The following FMN1 variants were observed in gnomAD, a reference collection of about 807,000 sequenced individuals.
FMN1 encodes formin 1.
In FMN1, 110 loss-of-function variants were observed where a neutral mutation model predicts 132.4. The ratio of observed to expected loss-of-function variants is 0.83; its 90% CI spans 0.71 to 0.97. FMN1 has a LOEUF of 0.97. FMN1 is among the 50% of genes least tolerant of loss of function. FMN1 has a pLI of 0.00. For synonymous variants in FMN1, 722 were observed against 651.7 expected (o/e 1.11, Z -1.64); for missense variants, 1,792 against 1,705.3 (o/e 1.05, Z -0.90).
Position 32,973,205 on chromosome 15 carries a change from GCA to G in FMN1, c.2224-3730_2224-3729del, listed in dbSNP as rs199735470. On this transcript the variant is annotated intron_variant, in intron 7 of 20. Transcript: ENST00000616417. The stretch of plus-strand genomic sequence containing the variant: ...CTTGCAGACTAACATGAACTTTTTA[GCA>G]CACACACATCAACAGCTCTTCTGAT... Among the ~76,000 whole-genome samples, 4 of 152,104 alleles carry G rather than the reference GCA, an allele frequency of 2.6e-5. No individual in the cohort carries two copies. In the East Asian group the frequency reaches 5.8e-4, roughly 22 times the overall value.
chr15:33,092,460 T>C (rs1425211366), intron 4 of FMN1, among the ~76,000 whole-genome samples: 1 of 152,268 alleles, frequency 6.6e-6, no homozygotes, highest in East Asian at 1.9e-4. Flanking sequence ...GCCATCTGAA[T>C]GTAAACAATG....
chr15:32,932,173 C>A (rs1189928719), intron 9 of FMN1, among the ~76,000 whole-genome samples: 1 of 151,960 alleles, frequency 6.6e-6, no homozygotes, highest in Non-Finnish European at 1.5e-5. Context: ...CCGAGGTAGG[C>A]GGATCACTTG....
chr15:32,957,371 G>A (rs1227303553), intron 9 of FMN1, among the ~76,000 whole-genome samples: 1 of 128,338 alleles, frequency 7.8e-6, no homozygotes, highest in Non-Finnish European at 1.6e-5. Context: ...GTGGATTTCT[G>A]GCTCCTTGTC....
chr15:33,047,953 T>C (rs1248867168), intron 6 of FMN1, among the ~76,000 whole-genome samples: 1 of 152,146 alleles, frequency 6.6e-6, no homozygotes, highest in Non-Finnish European at 1.5e-5. Context: ...GTTATATATA[T>C]ATGTGCGCGT....
Position 32,851,455 on chromosome 15 carries a change from T to C in FMN1, c.3928+5560A>G, listed in dbSNP as rs930928699. ...CACAGTTTTGAAGGCCATATCATTATGACCATGTTTGATCTGAGGGTGGGA... is the reference window on the plus strand; with the variant it reads ...CACAGTTTTGAAGGCCATATCATTACGACCATGTTTGATCTGAGGGTGGGA... On this transcript the variant is annotated intron_variant, in intron 17 of 20. Transcript: ENST00000616417. Among the ~76,000 whole-genome samples, 4 of 152,216 alleles carry C rather than the reference T, an allele frequency of 2.6e-5. No homozygotes were observed. The South Asian group carries it at 6.2e-4, about 24-fold the overall frequency.
chr15:32,791,413 ATAAAT>A (rs1470151188), intron 19 of FMN1, among the ~76,000 whole-genome samples: 1 of 151,786 alleles, frequency 6.6e-6, no homozygotes, highest in African/African-American at 2.4e-5. Flanking sequence ...TAATACATTA[ATAAAT>A]TAAAGTACCA....
chr15:33,126,142 A>C (rs34830403), intron 4 of FMN1, among the ~76,000 whole-genome samples: 15,775 of 151,904 alleles, frequency 0.1, 875 homozygotes, highest in Middle Eastern at 0.16. Flanking sequence ...TGCTGACTAA[A>C]TGAGTTTATC....
At chr15:32,914,919 A>G (rs1005370057) in intron 10 of FMN1, among the ~76,000 whole-genome samples, 1 of 152,240 alleles carries the variant, frequency 6.6e-6, no homozygotes, top group African/African-American at 2.4e-5. Context: ...AGAGGAAAGG[A>G]CAGGTAAAAG....
rs567898704 is a variant in FMN1, at chr15:32,827,544, C to T, written c.3929-23212G>A. Reference sequence around the variant, plus strand: ...ATTATTGTCTTGTTCATCTTTTTAACGACCCAATGAAGAAAGGACATACAG... The same window carrying T: ...ATTATTGTCTTGTTCATCTTTTTAATGACCCAATGAAGAAAGGACATACAG... On this transcript the variant is annotated intron_variant, in intron 17 of 20. Coordinates refer to ENST00000616417, the MANE Select transcript of FMN1 (RefSeq NM_001277313.2). 4.0e-4 allele frequency among the ~76,000 whole-genome samples: 61 copies of T among 152,208 alleles called. 1 individual carries two copies. The highest frequency in any genetic ancestry group is 6.8e-3 in the Middle Eastern group (2 of 294).
At chr15:32,849,598 A>G (rs2058958041) in intron 17 of FMN1, among the ~76,000 whole-genome samples, 3 of 152,134 alleles carry the variant, frequency 2.0e-5, no homozygotes, top group Admixed American at 6.6e-5. Context: ...CTGGGAAAAA[A>G]AATCCCCTCT....
At chr15:33,011,673 C>T (rs1165761854) in intron 6 of FMN1, among the ~76,000 whole-genome samples, 1 of 152,014 alleles carries the variant, frequency 6.6e-6, no homozygotes, top group East Asian at 1.9e-4. Context: ...AGATAACATT[C>T]CCTACAGAGT....
intron 17 of FMN1, among the ~76,000 whole-genome samples, chr15:32,850,966 G>A (rs1411792335): frequency 6.6e-6 from 1 of 152,106 alleles, no homozygotes; most frequent in African/African-American, 2.4e-5. Context: ...GCTGAGGCAG[G>A]AGAATGGCGT....
intron 7 of FMN1, among the ~76,000 whole-genome samples, chr15:32,984,140 T>C (rs953096706): frequency 2.0e-5 from 3 of 152,192 alleles, no homozygotes; most frequent in Non-Finnish European, 4.4e-5. Flanking sequence ...TTTCTGCTTT[T>C]ATAAGAAAAA....
intron 6 of FMN1, among the ~76,000 whole-genome samples, chr15:33,045,038 G>A (rs1029347346): frequency 6.6e-6 from 1 of 152,234 alleles, no homozygotes. Flanking sequence ...AGGGAGCCCA[G>A]ACCTAGGAGC....
chr15:32,896,897 TC>T (rs1353628121), intron 15 of FMN1, among the ~76,000 whole-genome samples: 2 of 152,196 alleles, frequency 1.3e-5, no homozygotes, highest in Non-Finnish European at 2.9e-5. Flanking sequence ...CTCTTTGAGA[TC>T]CTGGTTTCAA....
chr15:32,899,462 G>A (rs556978285), intron 14 of FMN1, among the ~76,000 whole-genome samples: 30 of 152,308 alleles, frequency 2.0e-4, no homozygotes, highest in Non-Finnish European at 3.1e-4. Flanking sequence ...CCCATGGGAC[G>A]CCTAGCTATG....
intron 10 of FMN1, among the ~76,000 whole-genome samples, chr15:32,923,506 C>A (rs1398936859): frequency 6.6e-6 from 1 of 152,174 alleles, no homozygotes; most frequent in Non-Finnish European, 1.5e-5. Context: ...TAGGAGCCAA[C>A]TTTGTGGTGG....
chr15:33,003,512 G>A (rs1393303656), intron 7 of FMN1, among the ~76,000 whole-genome samples: 1 of 152,162 alleles, frequency 6.6e-6, no homozygotes, highest in Non-Finnish European at 1.5e-5. Flanking sequence ...CCTCTTCAAG[G>A]AGAACTACAA....
At chr15:33,163,898 G>A (rs1043307420) in intron 3 of FMN1, among the ~76,000 whole-genome samples, 2 of 152,204 alleles carry the variant, frequency 1.3e-5, no homozygotes, top group Admixed American at 1.3e-4. Flanking sequence ...GATTACAGGC[G>A]TAAGCCACTG....
Sources: allele counts gnomAD v4.1 joint callset (sites outside exome capture counted in the v4.1 genomes callset), GRCh38; gene constraint gnomAD v4.1.1; transcripts MANE v1.5; gene names NCBI Gene and HGNC (gene_info 2026-07-23, HGNC 2026-07-21).